WWP2: variants seen among roughly 807,000 people sequenced by gnomAD.
WWP2 encodes the protein NEDD4-like E3 ubiquitin-protein ligase WWP2.
WWP2 carries 57 observed loss-of-function variants against 121.0 expected under a neutral mutation model. The observed-to-expected ratio is 0.47, with a 90% CI of 0.38 to 0.59. The LOEUF (loss-of-function observed/expected upper bound fraction) is 0.59. WWP2 is among the 20% of genes least tolerant of loss of function. The pLI is 0.00. For synonymous variants in WWP2, 449 were observed against 441.3 expected (o/e 1.02, Z -0.22); for missense variants, 962 against 1,158.9 (o/e 0.83, Z 2.47).
chr16:69,831,781 G>A (rs2056797029), intron 4 of WWP2, among the ~76,000 whole-genome samples: 1 of 148,146 alleles, frequency 6.8e-6, no homozygotes, highest in African/African-American at 2.5e-5. Context: ...TATTGTTATA[G>A]TTGCTGTTAG....
chr16:69,905,421 G>A (rs932856416), intron 8 of WWP2, among the ~76,000 whole-genome samples: 46 of 152,162 alleles, frequency 3.0e-4, no homozygotes, highest in Admixed American at 6.5e-4. Flanking sequence ...GCCTAGAAAT[G>A]TCTGTGGACC....
At chr16:69,842,732 C>T (rs972116265) in intron 6 of WWP2, among the ~76,000 whole-genome samples, 2 of 152,064 alleles carry the variant, frequency 1.3e-5, no homozygotes, top group Non-Finnish European at 2.9e-5. Flanking sequence ...TGCTATGGCA[C>T]CATCACAGCT....
chr16:69,850,612 G>A (rs1437283623), intron 6 of WWP2, among the ~76,000 whole-genome samples: 1 of 152,162 alleles, frequency 6.6e-6, no homozygotes, highest in Non-Finnish European at 1.5e-5. Flanking sequence ...CCAGACCGAC[G>A]AAGTGGGGTT....
At chr16:69,921,763 C>G (rs1033071022) in intron 10 of WWP2, among the ~76,000 whole-genome samples, 1 of 152,164 alleles carries the variant, frequency 6.6e-6, no homozygotes, top group Non-Finnish European at 1.5e-5. Flanking sequence ...TGGGGCATCT[C>G]TCTCTGCAGT....
At chr16:69,882,522 G>A (rs1383700347) in intron 7 of WWP2, among the ~76,000 whole-genome samples, 1 of 152,180 alleles carries the variant, frequency 6.6e-6, no homozygotes, top group African/African-American at 2.4e-5. Context: ...TCTTGTTCCA[G>A]AAAAGAAGTT....
At chr16:69,879,382 C>A (rs1484946270) in intron 7 of WWP2, among the ~76,000 whole-genome samples, 1 of 152,036 alleles carries the variant, frequency 6.6e-6, no homozygotes, top group Non-Finnish European at 1.5e-5. Context: ...CATTTCCCCC[C>A]AACCTGACCG....
At chr16:69,769,115 G>A (rs1309157168) in intron 1 of WWP2, among the ~76,000 whole-genome samples, 1 of 152,068 alleles carries the variant, frequency 6.6e-6, no homozygotes, top group African/African-American at 2.4e-5. Flanking sequence ...TCAGGAGATC[G>A]AGACCATCCT....
At chr16:69,798,857 G>T in intron 3 of WWP2, 28 bp downstream of exon 3, 1 of 1,610,344 alleles carries the variant, frequency 6.2e-7, no homozygotes, top group Non-Finnish European at 8.5e-7. Context: ...CTTTTTGAAC[G>T]CAGCAAGATG....
At chr16:69,822,766 G>C (rs564161515) in intron 4 of WWP2, among the ~76,000 whole-genome samples, 1 of 152,192 alleles carries the variant, frequency 6.6e-6, no homozygotes, top group Non-Finnish European at 1.5e-5. Context: ...GCAGGTGCTA[G>C]ATCAGTGCTG....
intron 1 of WWP2, among the ~76,000 whole-genome samples, chr16:69,773,271 C>T (rs1351565751): frequency 2.6e-5 from 4 of 151,652 alleles, no homozygotes; most frequent in Non-Finnish European, 5.9e-5. Context: ...CTTCGCCTCC[C>T]AGGTTCAAGT....
At position 69,935,882 on chromosome 16, in the gene WWP2, G is replaced by A. The variant is rs1425867997; in HGVS notation, c.1872G>A (p.Thr624=). Residue 624 remains threonine, a synonymous_variant, in exon 18 of 24, where the codon ACG becomes ACA. Coordinates refer to ENST00000359154, the MANE Select transcript of WWP2 (RefSeq NM_001270454.2). This position sits in a 1 kb window ranked among gnomAD's most constrained non-coding sequence, Gnocchi z 5.2. ...TGTACCATGGAAAGTTCATCGACAC[G>A]GGCTTCACCCTCCCTTTCTACAAGC... is the stretch of plus-strand genomic sequence containing the variant. ...MALYHGKFID[T]GFTLPFYKRM... 12 of 1,613,794 alleles carry A rather than the reference G, an allele frequency of 7.4e-6. No individual in the cohort carries two copies. The highest frequency in any genetic ancestry group is 1.6e-4 in the Middle Eastern group (1 of 6,084).
At chr16:69,923,214 C>T (rs992731662) in intron 10 of WWP2, among the ~76,000 whole-genome samples, 1 of 149,382 alleles carries the variant, frequency 6.7e-6, no homozygotes, top group African/African-American at 2.5e-5. Context: ...ATTACTTTTG[C>T]ACCAACCTAA....
intron 7 of WWP2, among the ~76,000 whole-genome samples, chr16:69,872,506 C>T (rs983411226): frequency 9.2e-5 from 14 of 152,214 alleles, no homozygotes; most frequent in Admixed American, 5.2e-4. Flanking sequence ...TGAGCCACTG[C>T]GCCTAGCCTT....
intron 4 of WWP2, among the ~76,000 whole-genome samples, chr16:69,827,475 T>G (rs2056722307): frequency 6.6e-6 from 1 of 152,212 alleles, no homozygotes. Flanking sequence ...AAATCTTAAT[T>G]GGGGCATAAT....
chr16:69,800,692 G>A (rs1397859164), intron 4 of WWP2, among the ~76,000 whole-genome samples: 2 of 150,958 alleles, frequency 1.3e-5, no homozygotes, highest in Non-Finnish European at 3.0e-5. Flanking sequence ...AGCCTCCCAA[G>A]TAGCTGGGAT....
rs781284452 is a variant in WWP2, at chr16:69,888,201, C to T, written c.866C>T (p.Thr289Ile). ...AEGEEPSTSGTQQLPAAAQAP... is the reference protein window; with the variant it reads ...AEGEEPSTSGIQQLPAAAQAP... ...GGAGAGGAACCCAGCACTTCGGGTACACAGCAGCTCCCAGCGGCTGCCCAG... is the reference window on the plus strand; with the variant it reads ...GGAGAGGAACCCAGCACTTCGGGTATACAGCAGCTCCCAGCGGCTGCCCAG... The change falls in exon 8 of 24, where the codon ACA (threonine) becomes ATA (isoleucine). Residue 289 changes from threonine to isoleucine, a missense_variant. Transcript: ENST00000359154. 5 of 1,614,198 alleles carry T rather than the reference C, an allele frequency of 3.1e-6. No individual in the cohort carries two copies. The highest frequency in any genetic ancestry group is 1.1e-5 in the South Asian group (1 of 91,086).
chr16:69,902,145 C>T (rs529771355), intron 8 of WWP2, among the ~76,000 whole-genome samples: 71 of 152,256 alleles, frequency 4.7e-4, no homozygotes, highest in Admixed American at 1.4e-3. Flanking sequence ...GCATTAATTT[C>T]CTGAAGACCT....
At chr16:69,808,176 A>C (rs1465039932) in intron 4 of WWP2, among the ~76,000 whole-genome samples, 4 of 152,156 alleles carry the variant, frequency 2.6e-5, no homozygotes, top group African/African-American at 7.2e-5. Flanking sequence ...ATTTCATATT[A>C]GTGAGAACAT....
intron 4 of WWP2, among the ~76,000 whole-genome samples, chr16:69,802,555 A>G (rs763854389): frequency 1.3e-5 from 2 of 151,174 alleles, no homozygotes; most frequent in Non-Finnish European, 2.9e-5. Context: ...TAATGTCCTC[A>G]AGGCTTATTC....
Sources: gnomAD v4.1 joint callset for allele counts (sites outside exome capture counted in the v4.1 genomes callset) on GRCh38, gnomAD v4.1.1 for gene constraint, Gnocchi (gnomAD v3.1) non-coding constraint, MANE v1.5 for transcripts, NCBI Gene and HGNC (gene_info 2026-07-23, HGNC 2026-07-21) for gene names.